SKI: variants seen among roughly 807,000 people sequenced by gnomAD.
The protein encoded by SKI is SKI proto-oncogene.
In SKI, 23 loss-of-function variants were observed where a neutral mutation model predicts 59.3. The ratio of observed to expected loss-of-function variants is 0.39; its 90% confidence interval spans 0.28 to 0.55. The LOEUF (loss-of-function observed/expected upper bound fraction) is 0.55, where lower values mean the gene tolerates loss of function less well. Among genes scored for constraint, SKI ranks in the 20% least tolerant of loss-of-function variants. The pLI is 0.67. For synonymous variants in SKI, 673 were observed against 488.6 expected (o/e 1.38, Z -4.98); for missense variants, 1,017 against 1,038.9 (o/e 0.98, Z 0.29).
At chr1:2,266,819 C>T (rs1012808883) in intron 1 of SKI, among the ~76,000 whole-genome samples, 4 of 152,130 alleles carry the variant, frequency 2.6e-5, no homozygotes, top group African/African-American at 9.7e-5. Context: ...CTCGTGGGCT[C>T]CCCTCTAGGC....
chr1:2,228,393 CCCCGCGAGCCCCGGG>C lies in SKI; in HGVS notation c.-364_-350del, dbSNP rs1441995863. 1.4e-5 allele frequency among the ~76,000 whole-genome samples: 2 copies of C among 142,566 alleles called. No homozygotes were observed. The highest frequency in any genetic ancestry group is 2.1e-4 in the East Asian group (1 of 4,762). The allele number at this position is 142,566 out of a possible 152,430, so 93.5% of individuals were successfully genotyped here. On this transcript the variant is annotated 5_prime_UTR_variant, in exon 1 of 7. Transcript: ENST00000378536. Reference sequence around the variant, plus strand: ...CGGCGCCGGCACCTGCCCGCGCGCCCCCCGCGAGCCCCGGGCCCGCGAGCGTTGGCGTTGGCGTTG... The same window carrying C: ...CGGCGCCGGCACCTGCCCGCGCGCCCCCCGCGAGCGTTGGCGTTGGCGTTG...
At position 2,269,588 on chromosome 1, in the gene SKI, C is replaced by T. The variant is rs189493152; in HGVS notation, c.970-33390C>T. On this transcript the variant is annotated intron_variant, in intron 1 of 6. Transcript: ENST00000378536. The surrounding 1 kb of genome is among the most constrained non-coding windows in gnomAD (Gnocchi z 4.7). ...GGTGAGGAGCTTTGCTGCCCTGGAG[C>T]GTCGCTTTGTGGGCAGAAGCCAACT... Among the ~76,000 whole-genome samples, 47 of 152,368 alleles carry T rather than the reference C, an allele frequency of 3.1e-4. 1 individual carries two copies. The East Asian group carries it at 5.0e-3, about 16-fold the overall frequency.
At chr1:2,287,499 G>A (rs997229585) in intron 1 of SKI, among the ~76,000 whole-genome samples, 1 of 151,996 alleles carries the variant, frequency 6.6e-6, no homozygotes, top group South Asian at 2.1e-4. Context: ...ACCACGCCCA[G>A]CTAATTTTTT....
chr1:2,310,188 T>C lies in SKI; in HGVS notation c.*3423T>C, dbSNP rs571014563. The C allele has an allele frequency of 1.3e-5, 2 of 152,152 alleles. No homozygotes were observed. Among genetic ancestry groups the C allele is most frequent in the East Asian group, 2.0e-4 (1 of 5,128 alleles). The allele number at this position is 152,152 out of a possible 1,614,324, so 9.4% of individuals were successfully genotyped here. On this transcript the variant is annotated 3_prime_UTR_variant, in exon 7 of 7. Coordinates refer to ENST00000378536, the MANE Select transcript of SKI (RefSeq NM_003036.4). ...TTCCCCGACCCCGAAACAGATGACA[T>C]TGTACAATAAAGGACTTTGAGAGGA...
chr1:2,271,832 T>C (rs1639629228), intron 1 of SKI, among the ~76,000 whole-genome samples: 1 of 152,154 alleles, frequency 6.6e-6, no homozygotes, highest in African/African-American at 2.4e-5. Flanking sequence ...ATTCTGACAT[T>C]GTGCGATGGC....
chr1:2,288,837 C>G (rs1640100923), intron 1 of SKI, among the ~76,000 whole-genome samples: 1 of 152,134 alleles, frequency 6.6e-6, no homozygotes. Context: ...CGTCTTCATC[C>G]TTTGATCCCC....
rs147024827 is a variant in SKI at position 2,271,074 on chromosome 1, C to T, written c.970-31904C>T. On this transcript the variant is annotated intron_variant, in intron 1 of 6. Transcript: ENST00000378536. ...GGTCTGTGGGGGTTGGAGGGATGCG[C>T]GACTTGGGCCCACCCCAGAACTTGG... Among the ~76,000 whole-genome samples the T allele has an allele frequency of 6.6e-5, 10 of 152,280 alleles. 1 individual carries two copies. The highest frequency in any genetic ancestry group is 3.3e-4 in the Admixed American group (5 of 15,302).
rs1257400204 is a variant in SKI at position 2,309,591 on chromosome 1, G to C, written c.*2826G>C. 1.3e-5 allele frequency: 2 copies of C among 151,790 alleles called. No individual in the cohort carries two copies. The highest frequency in any genetic ancestry group is 6.6e-5 in the Admixed American group (1 of 15,262). The allele number at this position is 151,790 out of a possible 1,614,324, so 9.4% of individuals were successfully genotyped here. On this transcript the variant is annotated 3_prime_UTR_variant, in exon 7 of 7. Coordinates refer to ENST00000378536, the MANE Select transcript of SKI (RefSeq NM_003036.4). ...AGGAAAAAAAAAATGCTTTCCTGCC[G>C]GGGGGCAGGGGAGACGGAGAAACCC...
Position 2,308,500 on chromosome 1 carries a change from C to A in SKI, c.*1735C>A, listed in dbSNP as rs1327317495. On this transcript the variant is annotated 3_prime_UTR_variant, in exon 7 of 7. Transcript: ENST00000378536. ...TGTGTGCATGGATTCCACACCTCTG[C>A]CGTAGGTAGATCCGTCAGCGGGCAT... 1 of 152,214 alleles carries A rather than the reference C, an allele frequency of 6.6e-6. No homozygotes were observed. The highest frequency in any genetic ancestry group is 2.4e-5 in the African/African-American group (1 of 41,432). 9.4% of individuals were successfully genotyped at this position (152,214 alleles called of 1,614,324 possible).
chr1:2,303,714 G>C lies in SKI; in HGVS notation c.1212-126G>C, dbSNP rs1640486256. ...CGGGTTCTTAGGGAACTGTAAGCTT[G>C]ACTTGAAGATTCGGAGCTGGGAAAG... On this transcript the variant is annotated intron_variant, in intron 3 of 6. Transcript: ENST00000378536. The surrounding 1 kb of genome is among the most constrained non-coding windows in gnomAD (Gnocchi z 5.6). 1 of 1,323,846 alleles carries C rather than the reference G, an allele frequency of 7.6e-7. No homozygotes were observed. The highest frequency in any genetic ancestry group is 1.5e-5 in the African/African-American group (1 of 68,744). The allele number at this position is 1,323,846 out of a possible 1,614,324, so 82.0% of individuals were successfully genotyped here.
At chr1:2,274,514 C>G (rs1214550174) in intron 1 of SKI, among the ~76,000 whole-genome samples, 1 of 152,230 alleles carries the variant, frequency 6.6e-6, no homozygotes, top group Non-Finnish European at 1.5e-5. Context: ...CGCGTGTGCT[C>G]TGCTGTGTGG....
chr1:2,309,564 T>A lies in SKI; in HGVS notation c.*2799T>A, dbSNP rs1250821796. 2 of 151,770 alleles carry A rather than the reference T, an allele frequency of 1.3e-5. No homozygotes were observed. The highest frequency in any genetic ancestry group is 2.9e-5 in the Non-Finnish European group (2 of 67,888). The allele number at this position is 151,770 out of a possible 1,614,324, so 9.4% of individuals were successfully genotyped here. Reference sequence around the variant, plus strand: ...TCTTGTTTTCTGGGCTGTTTTTAACTGAGGAAAAAAAAAATGCTTTCCTGC... The same window carrying A: ...TCTTGTTTTCTGGGCTGTTTTTAACAGAGGAAAAAAAAAATGCTTTCCTGC... On this transcript the variant is annotated 3_prime_UTR_variant, in exon 7 of 7. Transcript: ENST00000378536.
intron 1 of SKI, among the ~76,000 whole-genome samples, chr1:2,250,531 C>T (rs1639122707): frequency 6.6e-6 from 1 of 152,260 alleles, no homozygotes; most frequent in Non-Finnish European, 1.5e-5. Context: ...AGTCCCCATT[C>T]CCTGAGCTCA....
intron 1 of SKI, among the ~76,000 whole-genome samples, chr1:2,239,128 A>C (rs1178958273): frequency 6.6e-6 from 1 of 152,208 alleles, no homozygotes; most frequent in Non-Finnish European, 1.5e-5. Context: ...AATGATATGC[A>C]AATGTAGTCA....
At chr1:2,231,023 C>T (rs1638625726) in intron 1 of SKI, among the ~76,000 whole-genome samples, 2 of 152,250 alleles carry the variant, frequency 1.3e-5, no homozygotes, top group South Asian at 2.1e-4. Context: ...GGCCAGGGCT[C>T]AGGTGGCAGC....
At chr1:2,293,810 GGCA>G (rs1640222883) in intron 1 of SKI, among the ~76,000 whole-genome samples, 1 of 152,204 alleles carries the variant, frequency 6.6e-6, no homozygotes, top group East Asian at 1.9e-4. Context: ...TTCTTCAGCT[GGCA>G]CCTTGAAACT....
chr1:2,253,485 A>G (rs1639207253), intron 1 of SKI, among the ~76,000 whole-genome samples: 1 of 152,208 alleles, frequency 6.6e-6, no homozygotes, highest in Non-Finnish European at 1.5e-5. Context: ...CCTTGGACAC[A>G]CACTTGGAGG....
intron 1 of SKI, among the ~76,000 whole-genome samples, chr1:2,285,107 C>T (rs976083912): frequency 3.3e-5 from 5 of 152,072 alleles, no homozygotes; most frequent in Admixed American, 2.0e-4. Flanking sequence ...AGGTGTCATG[C>T]GGCAGTTGGT....
At chr1:2,253,416 G>C (rs12385717) in intron 1 of SKI, among the ~76,000 whole-genome samples, 11,082 of 152,280 alleles carry the variant, frequency 0.073, 482 homozygotes, top group Middle Eastern at 0.15. Context: ...CCTGAGTTTT[G>C]GTGTATCCCT....
Sources: gnomAD v4.1 joint callset for allele counts (sites outside exome capture counted in the v4.1 genomes callset) on GRCh38, gnomAD v4.1.1 for gene constraint, Gnocchi (gnomAD v3.1) non-coding constraint, MANE v1.5 for transcripts, NCBI Gene and HGNC (gene_info 2026-07-23, HGNC 2026-07-21) for gene names.